The following MACROD2 variants were observed in gnomAD, a reference collection of about 807,000 sequenced individuals.
The protein encoded by MACROD2 is ADP-ribose glycohydrolase MACROD2.
A neutral mutation model predicts 70.4 loss-of-function variants in MACROD2; 36 were observed. The ratio of observed to expected loss-of-function variants is 0.51; its 90% CI spans 0.39 to 0.68. The LOEUF is 0.68. Among genes scored for constraint, MACROD2 ranks in the 30% least tolerant of loss-of-function variants. The pLI is 0.00. For missense variants in MACROD2, 496 were observed against 538.4 expected, an observed-to-expected ratio of 0.92 and a Z score of 0.78; for synonymous variants, 172 against 178.8, an observed-to-expected ratio of 0.96 and a Z score of 0.30.
At chr20:14,337,668 G>C (rs2082963661) in intron 3 of MACROD2, 1 of 397,800 alleles carries the variant, frequency 2.5e-6, no homozygotes, top group East Asian at 3.6e-5. Context: ...GCTGAAGAAG[G>C]GGGTGATGTC....
At chr20:14,610,437 G>A (rs116560999) in intron 4 of MACROD2, among the ~76,000 whole-genome samples, 327 of 151,932 alleles carry the variant, frequency 2.2e-3, no homozygotes, top group African/African-American at 7.3e-3. Context: ...TAATGTGAGC[G>A]CTTCTAGTAA....
At chr20:15,357,825 A>C (rs961949641) in intron 6 of MACROD2, among the ~76,000 whole-genome samples, 3 of 126,384 alleles carry the variant, frequency 2.4e-5, no homozygotes, top group Non-Finnish European at 4.9e-5. Context: ...TTTTTTTTTC[A>C]AGACAGAGTC....
intron 4 of MACROD2, among the ~76,000 whole-genome samples, chr20:14,678,815 T>A (rs1030091296): frequency 2.0e-5 from 3 of 152,170 alleles, no homozygotes; most frequent in African/African-American, 7.2e-5. Flanking sequence ...ACTTTCAGAT[T>A]CAATGAATTA....
intron 5 of MACROD2, chr20:14,757,692 T>C: frequency 6.9e-7 from 1 of 1,446,300 alleles, no homozygotes; most frequent in Non-Finnish European, 9.7e-7. Context: ...AACCTTCCTG[T>C]CATAAAGGCC....
At chr20:15,020,171 C>T (rs2075153873) in intron 5 of MACROD2, among the ~76,000 whole-genome samples, 1 of 152,128 alleles carries the variant, frequency 6.6e-6, no homozygotes, top group African/African-American at 2.4e-5. Context: ...TGTGGATATT[C>T]ACATCTCATG....
intron 8 of MACROD2, among the ~76,000 whole-genome samples, chr20:15,583,392 C>T (rs1251057764): frequency 1.1e-4 from 16 of 152,212 alleles, no homozygotes; most frequent in Admixed American, 9.8e-4. Flanking sequence ...TTCATCCAGC[C>T]TTTTAGCATC....
intron 5 of MACROD2, among the ~76,000 whole-genome samples, chr20:15,098,207 A>C (rs979629915): frequency 2.7e-4 from 41 of 152,094 alleles, no homozygotes; most frequent in Admixed American, 1.1e-3. Context: ...CTCTGCTCCT[A>C]CCATTCTGAA....
intron 5 of MACROD2, among the ~76,000 whole-genome samples, chr20:15,169,983 C>G (rs187405655): frequency 5.3e-5 from 8 of 152,302 alleles, no homozygotes; most frequent in Admixed American, 1.3e-4. Context: ...CAATCTATCT[C>G]TCTGTTAGTT....
chr20:15,169,360 G>A (rs2076407487), intron 5 of MACROD2, among the ~76,000 whole-genome samples: 1 of 152,154 alleles, frequency 6.6e-6, no homozygotes, highest in African/African-American at 2.4e-5. Flanking sequence ...GAAAGGAAGT[G>A]CAATACTTTT....
chr20:15,063,963 C>A (rs1264190785), intron 5 of MACROD2, among the ~76,000 whole-genome samples: 1 of 152,100 alleles, frequency 6.6e-6, no homozygotes, highest in East Asian at 1.9e-4. Context: ...GGTTAATAGT[C>A]CCCACATGTT....
chr20:14,405,113 G>A (rs2083678538), intron 3 of MACROD2, among the ~76,000 whole-genome samples: 1 of 152,002 alleles, frequency 6.6e-6, no homozygotes, highest in Non-Finnish European at 1.5e-5. Context: ...ATATAGAAAA[G>A]CAAAAATTCA....
chr20:14,683,459 T>G (rs1431083654), intron 4 of MACROD2, among the ~76,000 whole-genome samples: 1 of 152,194 alleles, frequency 6.6e-6, no homozygotes, highest in Non-Finnish European at 1.5e-5. Context: ...TTGCAAAACA[T>G]GCAGTGTAGC....
chr20:15,049,335 AAG>A (rs1217200835), intron 5 of MACROD2, among the ~76,000 whole-genome samples: 1 of 152,096 alleles, frequency 6.6e-6, no homozygotes, highest in Non-Finnish European at 1.5e-5. Context: ...GAAGAGAAAA[AAG>A]AGGAGAGAGA....
chr20:15,675,105 T>C (rs73242442), intron 8 of MACROD2, among the ~76,000 whole-genome samples: 122 of 152,280 alleles, frequency 8.0e-4, no homozygotes, highest in African/African-American at 2.8e-3. Context: ...AACAGTGTAT[T>C]TCAGATTTGT....
chr20:15,900,936 A>C (rs924767069), intron 10 of MACROD2, among the ~76,000 whole-genome samples: 11 of 152,156 alleles, frequency 7.2e-5, no homozygotes, highest in African/African-American at 2.7e-4. Flanking sequence ...TTTATGGAAA[A>C]CACCGGGCAC....
intron 6 of MACROD2, among the ~76,000 whole-genome samples, chr20:15,430,855 A>G (rs931148992): frequency 1.3e-5 from 2 of 152,030 alleles, no homozygotes; most frequent in African/African-American, 4.8e-5. Flanking sequence ...AATTTTACCT[A>G]AAATGTGTAT....
At chr20:15,809,996 T>C in intron 8 of MACROD2, among the ~76,000 whole-genome samples, 1 of 149,612 alleles carries the variant, frequency 6.7e-6, no homozygotes, top group Non-Finnish European at 1.5e-5. Flanking sequence ...GTATATCTCC[T>C]AATGCTGTCC....
chr20:14,068,236 A>G (rs1344932455), intron 2 of MACROD2, among the ~76,000 whole-genome samples: 2 of 152,138 alleles, frequency 1.3e-5, no homozygotes, highest in African/African-American at 4.8e-5. Context: ...TTGGATAAAA[A>G]TCTTAGCAAC....
intron 8 of MACROD2, among the ~76,000 whole-genome samples, chr20:15,798,616 A>G (rs929835681): frequency 6.6e-6 from 1 of 152,234 alleles, no homozygotes; most frequent in Non-Finnish European, 1.5e-5. Flanking sequence ...TGACATGGTC[A>G]CATTATAGAA....
Sources: gnomAD v4.1 joint callset for allele counts (sites outside exome capture counted in the v4.1 genomes callset) on GRCh38, gnomAD v4.1.1 for gene constraint, MANE v1.5 for transcripts, NCBI Gene and HGNC (gene_info 2026-07-23, HGNC 2026-07-21) for gene names.